CSGALNACT1: variants seen among roughly 807,000 people sequenced by gnomAD.
CSGALNACT1 encodes beta4GalNAcT-1.
In CSGALNACT1, 52 loss-of-function variants were observed where a neutral mutation model predicts 51.0. The observed-to-expected ratio is 1.02, with a 90% CI of 0.82 to 1.29. CSGALNACT1 has a LOEUF of 1.29. Among genes scored for constraint, CSGALNACT1 ranks in the 50% most tolerant of loss-of-function variants. CSGALNACT1 has a pLI of 0.00. For missense variants in CSGALNACT1, 935 were observed against 679.2 expected (o/e 1.38, Z -4.19); for synonymous variants, 341 against 254.4 (o/e 1.34, Z -3.24).
intron 6 of CSGALNACT1, among the ~76,000 whole-genome samples, chr8:19,423,343 G>A (rs990704292): frequency 1.3e-5 from 2 of 152,230 alleles, no homozygotes; most frequent in African/African-American, 2.4e-5. Flanking sequence ...GAAACAGCAT[G>A]AAAGAAATGA....
intron 3 of CSGALNACT1, among the ~76,000 whole-genome samples, chr8:19,526,308 G>A (rs868555695): frequency 1.3e-5 from 2 of 152,218 alleles, no homozygotes; most frequent in South Asian, 2.1e-4. Flanking sequence ...ATAAAGGCCA[G>A]GCACAGTGGC....
upstream of CSGALNACT1, among the ~76,000 whole-genome samples, chr8:19,607,260 C>A (rs1438161691): frequency 6.6e-6 from 1 of 152,028 alleles, no homozygotes; most frequent in African/African-American, 2.4e-5. Flanking sequence ...ACATAATCGA[C>A]AATGAAGTGA....
chr8:19,564,133 C>T (rs141633115), intron 3 of CSGALNACT1, among the ~76,000 whole-genome samples: 98 of 152,308 alleles, frequency 6.4e-4, no homozygotes, highest in Admixed American at 9.8e-4. Context: ...CTGAACTTAA[C>T]GCACAGAACA....
At chr8:19,737,308 G>GA (rs528085071) in intron 1 of CSGALNACT1, among the ~76,000 whole-genome samples, 83 of 150,516 alleles carry the variant, frequency 5.5e-4, no homozygotes, top group African/African-American at 1.6e-3. Context: ...CTGTGACTGG[G>GA]AAAAAAAAAT....
intron 1 of CSGALNACT1, among the ~76,000 whole-genome samples, chr8:19,666,996 AAAG>A (rs2059360549): frequency 6.9e-4 from 13 of 18,870 alleles, no homozygotes; most frequent in African/African-American, 4.3e-3. Context: ...AGAAAGAAAG[AAAG>A]AAAGAAAGAA....
At chr8:19,419,521 T>C (rs2057536419) in intron 7 of CSGALNACT1, among the ~76,000 whole-genome samples, 1 of 152,218 alleles carries the variant, frequency 6.6e-6, no homozygotes, top group East Asian at 1.9e-4. Flanking sequence ...GCTGTGCCAG[T>C]GTTCATCAGC....
At chr8:19,416,390 G>A (rs758195607) in intron 8 of CSGALNACT1, among the ~76,000 whole-genome samples, 1 of 152,034 alleles carries the variant, frequency 6.6e-6, no homozygotes, top group Non-Finnish European at 1.5e-5. Flanking sequence ...TGGGATTACA[G>A]GTGTGGGCCA....
intron 1 of CSGALNACT1, among the ~76,000 whole-genome samples, chr8:19,644,693 G>C (rs1033229138): frequency 1.7e-5 from 2 of 118,880 alleles, no homozygotes; most frequent in African/African-American, 3.3e-5. Flanking sequence ...CTGGGTAACA[G>C]AGCGAGACTC....
exon 10 of CSGALNACT1, chr8:19,405,693 T>A: frequency 6.5e-7 from 1 of 1,549,682 alleles, no homozygotes; most frequent in Non-Finnish European, 8.9e-7. Context: ...TTTGTCGTCC[T>A]TTATGGAAGT....
chr8:19,413,315 G>C (rs955711145), intron 8 of CSGALNACT1, among the ~76,000 whole-genome samples: 6 of 152,156 alleles, frequency 3.9e-5, no homozygotes, highest in African/African-American at 1.4e-4. Context: ...CCTCAGCCCA[G>C]GTGCGGTCAC....
intron 3 of CSGALNACT1, among the ~76,000 whole-genome samples, chr8:19,548,582 T>C (rs998556096): frequency 1.3e-5 from 2 of 152,214 alleles, no homozygotes; most frequent in African/African-American, 4.8e-5. Context: ...AAACATTTTG[T>C]GAAATATGTT....
At chr8:19,701,915 A>C (rs1482933439) in intron 1 of CSGALNACT1, among the ~76,000 whole-genome samples, 1 of 152,166 alleles carries the variant, frequency 6.6e-6, no homozygotes, top group Non-Finnish European at 1.5e-5. Flanking sequence ...AGATATACTC[A>C]TCTTAAAGCA....
chr8:19,427,361 T>C (rs935533097), intron 6 of CSGALNACT1, among the ~76,000 whole-genome samples: 1 of 152,234 alleles, frequency 6.6e-6, no homozygotes, highest in Non-Finnish European at 1.5e-5. Flanking sequence ...CAATTTTGTT[T>C]TGTTTGCTTG....
intron 1 of CSGALNACT1, among the ~76,000 whole-genome samples, chr8:19,618,000 C>A (rs1047696644): frequency 6.6e-6 from 1 of 152,036 alleles, no homozygotes; most frequent in African/African-American, 2.4e-5. Flanking sequence ...CCACCTCAGC[C>A]CCCAAGCAGC....
At chr8:19,727,155 G>C (rs1325298007) in intron 1 of CSGALNACT1, among the ~76,000 whole-genome samples, 1 of 152,180 alleles carries the variant, frequency 6.6e-6, no homozygotes, top group African/African-American at 2.4e-5. Flanking sequence ...ATCGGGAAGA[G>C]ATGTGATTCC....
At chr8:19,578,933 T>C (rs1410106379) in intron 3 of CSGALNACT1, among the ~76,000 whole-genome samples, 2 of 152,192 alleles carry the variant, frequency 1.3e-5, no homozygotes, top group Non-Finnish European at 2.9e-5. Flanking sequence ...TCTTGCTACG[T>C]TGACCACGCT....
chr8:19,566,450 A>G (rs1015472235), intron 3 of CSGALNACT1, among the ~76,000 whole-genome samples: 1 of 152,216 alleles, frequency 6.6e-6, no homozygotes, highest in African/African-American at 2.4e-5. Context: ...TAAGCTTAAA[A>G]GCCTTATGTT....
intron 4 of CSGALNACT1, among the ~76,000 whole-genome samples, chr8:19,504,787 A>G (rs930585895): frequency 6.6e-6 from 1 of 152,204 alleles, no homozygotes; most frequent in African/African-American, 2.4e-5. Context: ...ATTTCATGGG[A>G]AAAGAATAAG....
chr8:19,482,067 C>T (rs1353926970), intron 4 of CSGALNACT1, among the ~76,000 whole-genome samples: 3 of 152,216 alleles, frequency 2.0e-5, no homozygotes, highest in East Asian at 3.9e-4. Context: ...CGATTAAATA[C>T]ACACACAGCC....
Sources: allele counts gnomAD v4.1 joint callset (sites outside exome capture counted in the v4.1 genomes callset), GRCh38; gene constraint gnomAD v4.1.1; transcripts MANE v1.5; gene names NCBI Gene and HGNC (gene_info 2026-07-23, HGNC 2026-07-21).